Variants in RAD23B observed in about 807,000 individuals in gnomAD.
RAD23B encodes the protein RAD23 nucleotide excision repair protein B, also known as lysine-specific demethylase RAD23B.
RAD23B carries 5 observed loss-of-function variants against 49.1 expected under a neutral mutation model. That is an observed-to-expected ratio of 0.10 (90% CI 0.05 to 0.21). The LOEUF is 0.21. Among genes scored for constraint, RAD23B ranks in the 10% least tolerant of loss-of-function variants. The pLI, the probability that RAD23B is intolerant of heterozygous loss-of-function variation, is 1.00. For synonymous variants in RAD23B, 184 were observed against 165.4 expected (o/e 1.11, Z -0.86); for missense variants, 356 against 486.7 (o/e 0.73, Z 2.53).
chr9:107,331,580 T>G lies in RAD23B; in HGVS notation c.*1924T>G. On this transcript the variant is annotated 3_prime_UTR_variant, in exon 10 of 10. Coordinates refer to ENST00000358015, the MANE Select transcript of RAD23B (RefSeq NM_002874.5). Reference sequence around the variant, plus strand: ...TTCATATATACGTTCATCTTTCAAGTCAGAGCAATGAGTTGGGAAAAGAGG... The same window carrying G: ...TTCATATATACGTTCATCTTTCAAGGCAGAGCAATGAGTTGGGAAAAGAGG... 4.3e-6 allele frequency: 3 copies of G among 704,008 alleles called. No individual in the cohort carries two copies. The South Asian group carries it at 4.8e-5, about 11-fold the overall frequency. The allele number at this position is 704,008 out of a possible 1,614,324, so 43.6% of individuals were successfully genotyped here. A position where few individuals can be genotyped will look rare whatever the true frequency, so the allele number is the denominator to read the frequency against.
intron 4 of RAD23B, 44 bp downstream of exon 4, chr9:107,306,691 T>C (rs1005174559): frequency 1.3e-6 from 2 of 1,561,328 alleles, no homozygotes; most frequent in African/African-American, 2.7e-5. Context: ...AATCCGTGTT[T>C]AACAGGAACT....
intron 1 of RAD23B, among the ~76,000 whole-genome samples, chr9:107,287,233 G>A (rs1003031949): frequency 4.3e-5 from 3 of 69,390 alleles, no homozygotes; most frequent in Non-Finnish European, 8.2e-5. Context: ...AACCTTTTGA[G>A]ATAAAAAAAA....
chr9:107,301,908 A>T (rs1433457263), intron 2 of RAD23B, 127 bp from the exon 3 acceptor site: 1 of 1,322,484 alleles, frequency 7.6e-7, no homozygotes, highest in Non-Finnish European at 1.0e-6. Flanking sequence ...TAACTGATAG[A>T]ATTTATGTTG....
At chr9:107,320,429 T>TA (rs35035576) in intron 6 of RAD23B, among the ~76,000 whole-genome samples, 14,154 of 152,272 alleles carry the variant, frequency 0.093, 849 homozygotes, top group Non-Finnish European at 0.13. Flanking sequence ...AGTTTTGAGG[T>TA]ATAAAAATAC....
intron 9 of RAD23B, among the ~76,000 whole-genome samples, chr9:107,328,954 T>C (rs73517773): frequency 0.04 from 6,131 of 152,256 alleles, 376 homozygotes; most frequent in African/African-American, 0.14. Context: ...AAATAGAACA[T>C]TATCTTCAAA....
At chr9:107,327,064 CT>C (rs1363023770) in intron 9 of RAD23B, among the ~76,000 whole-genome samples, 1 of 152,160 alleles carries the variant, frequency 6.6e-6, no homozygotes, top group Non-Finnish European at 1.5e-5. Context: ...TTTATTTCCT[CT>C]TTTGATAAAG....
At chr9:107,291,247 A>G (rs1296216018) in intron 1 of RAD23B, among the ~76,000 whole-genome samples, 2 of 152,194 alleles carry the variant, frequency 1.3e-5, no homozygotes, top group African/African-American at 4.8e-5. Flanking sequence ...CTTTGCCTAT[A>G]TAGAAACTTA....
In RAD23B at chr9:107,330,583, A is replaced by G. The variant is rs1803721; in HGVS notation, c.*927A>G. On this transcript the variant is annotated 3_prime_UTR_variant, in exon 10 of 10. Transcript: ENST00000358015. This position sits in a 1 kb window ranked among gnomAD's most constrained non-coding sequence, Gnocchi z 4.4. ...CGTGTTTATCAGCAAGTCGTGAGTC[A>G]AACTGCTGCCTTTTAAAAAACCCAC... 1 of 152,650 alleles carries G rather than the reference A, an allele frequency of 6.6e-6. No individual in the cohort carries two copies. The highest frequency in any genetic ancestry group is 1.5e-5 in the Non-Finnish European group (1 of 68,042). 9.5% of individuals were successfully genotyped at this position (152,650 alleles called of 1,614,324 possible). A position where few individuals can be genotyped will look rare whatever the true frequency, so the allele number is the denominator to read the frequency against.
At chr9:107,302,809 C>T (rs1335668888) in intron 3 of RAD23B, among the ~76,000 whole-genome samples, 2 of 151,960 alleles carry the variant, frequency 1.3e-5, no homozygotes, top group Non-Finnish European at 2.9e-5. Context: ...GCGCATGCCA[C>T]CACGCCCGGC....
chr9:107,287,807 C>T lies in RAD23B; in HGVS notation c.66+4112C>T, dbSNP rs1030584459. Among the ~76,000 whole-genome samples, 10 of 133,720 alleles carry T rather than the reference C, an allele frequency of 7.5e-5. No homozygotes were observed. In the East Asian group the frequency reaches 8.8e-4, roughly 12 times the overall value. 87.7% of individuals were successfully genotyped at this position (133,720 alleles called of 152,430 possible). ...TGAGATCGCACCATTGCACTCCAGC[C>T]TGGGTAACAAGAGCGAAACTCCATC... On this transcript the variant is annotated intron_variant, in intron 1 of 9. Coordinates refer to ENST00000358015, the MANE Select transcript of RAD23B (RefSeq NM_002874.5).
rs1554741862 is a variant in RAD23B, at chr9:107,306,085, A to ATATATGTATATATATATATATACACTC, written c.229-289_229-288insGTATATATATATATATACACTCTATAT. 2.8e-4 allele frequency among the ~76,000 whole-genome samples: 35 copies of ATATATGTATATATATATATATACACTC among 122,928 alleles called. 1 individual carries two copies. Among genetic ancestry groups the ATATATGTATATATATATATATACACTC allele is most frequent in the South Asian group, 2.5e-4 (1 of 3,926 alleles). The allele number at this position is 122,928 out of a possible 152,430, so 80.6% of individuals were successfully genotyped here. A position where few individuals can be genotyped will look rare whatever the true frequency, so the allele number is the denominator to read the frequency against. ...TATATATATATATCTATATATCTAT[A>ATATATGTATATATATATATATACACTC]TATATTTCAAATTTTTTATTTTATA... On this transcript the variant is annotated intron_variant, in intron 3 of 9. Transcript: ENST00000358015.
At chr9:107,297,974 A>G (rs1826566560) in intron 1 of RAD23B, among the ~76,000 whole-genome samples, 1 of 152,170 alleles carries the variant, frequency 6.6e-6, no homozygotes, top group African/African-American at 2.4e-5. Context: ...CCAGCACAGG[A>G]TAATGGAGCA....
chr9:107,329,828 G>A lies in RAD23B; in HGVS notation c.*172G>A. 1 of 416,530 alleles carries A rather than the reference G, an allele frequency of 2.4e-6. No homozygotes were observed. Among genetic ancestry groups the A allele is most frequent in the Non-Finnish European group, 4.3e-6 (1 of 234,268 alleles). The allele number at this position is 416,530 out of a possible 1,614,324, so 25.8% of individuals were successfully genotyped here. A position where few individuals can be genotyped will look rare whatever the true frequency, so the allele number is the denominator to read the frequency against. On this transcript the variant is annotated 3_prime_UTR_variant, in exon 10 of 10. Coordinates refer to ENST00000358015, the MANE Select transcript of RAD23B (RefSeq NM_002874.5). ...CAGGGCAGGGATAAATACAGTGCAT[G>A]TCTGCTTCAATTAGCAGATGCCGCA...
intron 2 of RAD23B, among the ~76,000 whole-genome samples, chr9:107,301,175 TTTC>T (rs1410966889): frequency 6.6e-6 from 1 of 152,218 alleles, no homozygotes; most frequent in Non-Finnish European, 1.5e-5. Context: ...ACTTCGTGCA[TTTC>T]TAAGTTCTGT....
rs113804526 is a variant in RAD23B at position 107,289,472 on chromosome 9, C to A, written c.66+5777C>A. 8.5e-3 allele frequency among the ~76,000 whole-genome samples: 1,287 copies of A among 152,234 alleles called. 8 individuals are homozygous for A. Among genetic ancestry groups the A allele is most frequent in the Middle Eastern group, 0.017 (5 of 294 alleles). ...AAGTGCTGGGATGACAGGCATGAGC[C>A]AGCACACCTAGCCAAGAAATATTTC... On this transcript the variant is annotated intron_variant, in intron 1 of 9. Transcript: ENST00000358015.
chr9:107,328,427 G>C (rs1487447197), intron 9 of RAD23B, among the ~76,000 whole-genome samples: 1 of 152,104 alleles, frequency 6.6e-6, no homozygotes, highest in Non-Finnish European at 1.5e-5. Flanking sequence ...TGGGGCGGTG[G>C]TTTTGGGATG....
intron 1 of RAD23B, among the ~76,000 whole-genome samples, chr9:107,292,703 G>A (rs1833408071): frequency 2.0e-5 from 3 of 146,564 alleles, no homozygotes; most frequent in African/African-American, 5.0e-5. Flanking sequence ...AAAAAAGCCT[G>A]GTCAGTACTT....
At chr9:107,320,154 A>G (rs1827079674) in intron 6 of RAD23B, among the ~76,000 whole-genome samples, 1 of 152,262 alleles carries the variant, frequency 6.6e-6, no homozygotes, top group African/African-American at 2.4e-5. Flanking sequence ...GAAGTTCACA[A>G]AACCTTTTTC....
At chr9:107,308,059 A>C (rs1455055680) in intron 4 of RAD23B, among the ~76,000 whole-genome samples, 2 of 152,026 alleles carry the variant, frequency 1.3e-5, no homozygotes, top group African/African-American at 4.8e-5. Context: ...AATATTACAA[A>C]CTTAATATGT....
Sources: allele counts gnomAD v4.1 joint callset (sites outside exome capture counted in the v4.1 genomes callset), GRCh38; gene constraint gnomAD v4.1.1; non-coding constraint Gnocchi (gnomAD v3.1); transcripts MANE v1.5; gene names NCBI Gene and HGNC (gene_info 2026-07-23, HGNC 2026-07-21).